Variants in AOAH observed in about 807,000 individuals in gnomAD.
AOAH encodes the protein acyloxyacyl hydrolase.
A neutral mutation model predicts 92.2 loss-of-function variants in AOAH; 64 were observed. The observed-to-expected ratio is 0.69, with a 90% CI of 0.57 to 0.86. AOAH has a LOEUF of 0.86. Ranked by LOEUF, AOAH falls within the 40% of genes least tolerant of loss-of-function variation. The probability of loss-of-function intolerance (pLI) is 0.00; values close to 1 mark genes in which losing one functional copy is unlikely to be tolerated. For missense variants in AOAH, 656 were observed against 694.6 expected (o/e 0.94, Z 0.62); for synonymous variants, 263 against 254.5 (o/e 1.03, Z -0.32).
chr7:36,542,844 A>G (rs549151860), intron 15 of AOAH, among the ~76,000 whole-genome samples: 6 of 152,358 alleles, frequency 3.9e-5, no homozygotes, highest in African/African-American at 1.4e-4. Flanking sequence ...TGAACTGGAA[A>G]TGCCACTGAA....
intron 16 of AOAH, among the ~76,000 whole-genome samples, chr7:36,539,298 G>C (rs1196447670): frequency 6.6e-6 from 1 of 152,124 alleles, no homozygotes; most frequent in Non-Finnish European, 1.5e-5. Context: ...GTAACACCAG[G>C]GAAGGGATAG....
intron 4 of AOAH, among the ~76,000 whole-genome samples, chr7:36,646,793 C>T (rs979866176): frequency 1.3e-5 from 2 of 152,046 alleles, no homozygotes; most frequent in Non-Finnish European, 2.9e-5. Flanking sequence ...TTTTTTCTCT[C>T]GCTCTGATCC....
intron 20 of AOAH, among the ~76,000 whole-genome samples, chr7:36,518,342 G>C (rs1469199311): frequency 6.6e-6 from 1 of 152,036 alleles, no homozygotes; most frequent in Non-Finnish European, 1.5e-5. Context: ...TGAGTAGCTG[G>C]GACTACAGGC....
chr7:36,563,147 C>CAAAAAAA lies in AOAH; in HGVS notation c.1021+13420_1021+13426dup, dbSNP rs60240330. Reference sequence around the variant, plus strand: ...GTGCAACAAGAATGAAACTCCGTCTCAAAAAAAAAAAAAAAAAAAAAAAAA... The same window carrying CAAAAAAA: ...GTGCAACAAGAATGAAACTCCGTCTCAAAAAAAAAAAAAAAAAAAAAAAAAAAAAAAA... On this transcript the variant is annotated intron_variant, in intron 13 of 20. Transcript: ENST00000617537. 3.9e-4 allele frequency among the ~76,000 whole-genome samples: 14 copies of CAAAAAAA among 36,060 alleles called. 3 individuals are homozygous for CAAAAAAA. Among genetic ancestry groups the CAAAAAAA allele is most frequent in the African/African-American group, 9.5e-4 (10 of 10,502 alleles). The allele number at this position is 36,060 out of a possible 152,430, so 23.7% of individuals were successfully genotyped here. A position where few individuals can be genotyped will look rare whatever the true frequency, so the allele number is the denominator to read the frequency against.
chr7:36,648,958 CA>C (rs1007110382), intron 4 of AOAH, among the ~76,000 whole-genome samples: 31 of 152,104 alleles, frequency 2.0e-4, no homozygotes, highest in Admixed American at 1.7e-3. Flanking sequence ...TTACAACCAA[CA>C]ATTTGAATTT....
intron 12 of AOAH, among the ~76,000 whole-genome samples, chr7:36,587,344 G>A (rs1021867157): frequency 6.6e-6 from 1 of 151,814 alleles, no homozygotes; most frequent in Non-Finnish European, 1.5e-5. Context: ...TTGGAAAAGG[G>A]AGGAGCACTT....
intron 16 of AOAH, among the ~76,000 whole-genome samples, chr7:36,532,912 A>G (rs7778172): frequency 0.97 from 148,289 of 152,174 alleles, 72,380 homozygotes; most frequent in East Asian, 1. Context: ...CATACGAAAT[A>G]CTTGGTTGGC....
intron 3 of AOAH, among the ~76,000 whole-genome samples, chr7:36,661,474 TC>T (rs1174561559): frequency 6.6e-6 from 1 of 152,186 alleles, no homozygotes; most frequent in East Asian, 1.9e-4. Context: ...TGTCCTATTT[TC>T]AGTCTCTTTC....
intron 1 of AOAH, among the ~76,000 whole-genome samples, chr7:36,695,637 A>G (rs1797664859): frequency 6.6e-6 from 1 of 152,216 alleles, no homozygotes. Flanking sequence ...CCTAAGTGCC[A>G]CACTACATAT....
chr7:36,721,342 C>G (rs1007521597), intron 1 of AOAH, among the ~76,000 whole-genome samples: 1 of 152,136 alleles, frequency 6.6e-6, no homozygotes, highest in African/African-American at 2.4e-5. Context: ...CAGCACAGCC[C>G]GGCTTCTCTC....
chr7:36,623,155 T>C (rs1463569649), intron 7 of AOAH, 35 bp downstream of exon 7: 2 of 1,562,292 alleles, frequency 1.3e-6, no homozygotes, highest in South Asian at 2.2e-5. Flanking sequence ...CAATGTGATG[T>C]TAGTGAACAT....
At chr7:36,716,823 T>C (rs1318296254) in intron 1 of AOAH, among the ~76,000 whole-genome samples, 1 of 151,526 alleles carries the variant, frequency 6.6e-6, no homozygotes, top group African/African-American at 2.4e-5. Flanking sequence ...GGGCCTGTTG[T>C]GGGGTGGAGG....
chr7:36,614,853 C>T lies in AOAH; in HGVS notation c.846+1527G>A, dbSNP rs1168732874. Among the ~76,000 whole-genome samples, 3 of 152,152 alleles carry T rather than the reference C, an allele frequency of 2.0e-5. No homozygotes were observed. Among genetic ancestry groups the T allele is most frequent in the Admixed American group, 1.3e-4 (2 of 15,282 alleles). On this transcript the variant is annotated intron_variant, in intron 11 of 20. Transcript: ENST00000617537. This position sits in a 1 kb window ranked among gnomAD's most constrained non-coding sequence, Gnocchi z 4.2. ...GAGGTTTGAAGACTTTTGGGGGTCACCTGACTGCTGTGGACTGGGGAGACA... is the reference window on the plus strand; with the variant it reads ...GAGGTTTGAAGACTTTTGGGGGTCATCTGACTGCTGTGGACTGGGGAGACA...
chr7:36,638,839 C>T (rs1465847979), intron 4 of AOAH, among the ~76,000 whole-genome samples: 1 of 152,152 alleles, frequency 6.6e-6, no homozygotes, highest in Non-Finnish European at 1.5e-5. Flanking sequence ...GGATGCCCTG[C>T]TACGGTGTAT....
At chr7:36,666,988 T>C (rs1431983770) in intron 3 of AOAH, among the ~76,000 whole-genome samples, 1 of 152,242 alleles carries the variant, frequency 6.6e-6, no homozygotes, top group East Asian at 1.9e-4. Flanking sequence ...ATGTAATGTA[T>C]CTTGGTGAAT....
chr7:36,597,434 G>A (rs537314787), intron 11 of AOAH, among the ~76,000 whole-genome samples: 4 of 152,144 alleles, frequency 2.6e-5, no homozygotes, highest in Admixed American at 2.6e-4. Context: ...ACTGTAGGAT[G>A]AGAATATTCA....
chr7:36,560,400 A>G (rs750431752), intron 13 of AOAH, among the ~76,000 whole-genome samples: 3 of 152,120 alleles, frequency 2.0e-5, no homozygotes, highest in South Asian at 4.1e-4. Context: ...TGTGTCATCC[A>G]TGATTTCTTC....
At chr7:36,668,037 T>C (rs1277560388) in intron 3 of AOAH, among the ~76,000 whole-genome samples, 1 of 152,242 alleles carries the variant, frequency 6.6e-6, no homozygotes, top group East Asian at 1.9e-4. Context: ...ATTTAAACCA[T>C]TGACAGTCAA....
intron 1 of AOAH, 126 bp from the exon 2 acceptor site, chr7:36,686,920 A>G: frequency 2.1e-6 from 1 of 479,496 alleles, no homozygotes; most frequent in Non-Finnish European, 3.6e-6. Flanking sequence ...CAACCTTTCC[A>G]AAACAGAGAA....
Sources: gnomAD v4.1 joint callset for allele counts (sites outside exome capture counted in the v4.1 genomes callset) on GRCh38, gnomAD v4.1.1 for gene constraint, Gnocchi (gnomAD v3.1) non-coding constraint, MANE v1.5 for transcripts, NCBI Gene and HGNC (gene_info 2026-07-23, HGNC 2026-07-21) for gene names.